The following FAM184B variants were observed in gnomAD, a reference collection of about 807,000 sequenced individuals.
The protein encoded by FAM184B is family with sequence similarity 184 member B.
In FAM184B, 111 loss-of-function variants were observed where a neutral mutation model predicts 135.9. The observed-to-expected ratio is 0.82, with a 90% CI of 0.70 to 0.96. The LOEUF is 0.96. Ranked by LOEUF, FAM184B falls within the 40% of genes least tolerant of loss-of-function variation. FAM184B has a pLI of 0.00. For missense variants in FAM184B, 1,375 were observed against 1,323.9 expected (o/e 1.04, Z -0.60); for synonymous variants, 552 against 524.8 (o/e 1.05, Z -0.71).
At chr4:17,693,090 C>T (rs1050101265) in intron 6 of FAM184B, among the ~76,000 whole-genome samples, 7 of 152,118 alleles carry the variant, frequency 4.6e-5, no homozygotes, top group Non-Finnish European at 7.4e-5. Flanking sequence ...CTCCTGTGTC[C>T]TTCTCTTATT....
chr4:17,705,841 T>G lies in FAM184B; in HGVS notation c.1081A>C (p.Asn361His). ...VSENKVLREE[N>H]DLEAGNLHPQ... The stretch of plus-strand genomic sequence containing the variant: ...TGAAGATTGCCGGCTTCCAAGTCAT[T>G]CTCTTCCCGCAGGACTTTGTTCTCT... Residue 361 changes from asparagine to histidine, a missense_variant, in exon 4 of 18, where the codon AAT becomes CAT. Transcript: ENST00000265018. 1 of 1,552,210 alleles carries G rather than the reference T, an allele frequency of 6.4e-7. No individual in the cohort carries two copies. Among genetic ancestry groups the G allele is most frequent in the Non-Finnish European group, 8.7e-7 (1 of 1,147,108 alleles).
chr4:17,674,205 A>G (rs1716259017), intron 7 of FAM184B, among the ~76,000 whole-genome samples: 1 of 152,136 alleles, frequency 6.6e-6, no homozygotes. Context: ...AGTATTAATA[A>G]TTACAAGCAT....
intron 1 of FAM184B, among the ~76,000 whole-genome samples, chr4:17,774,992 C>CTTTTTTTTTT (rs71167338): frequency 8.6e-5 from 7 of 81,748 alleles, no homozygotes; most frequent in South Asian, 4.7e-4. Flanking sequence ...TTTTCCTTTT[C>CTTTTTTTTTT]TTTTTTTTTT....
At chr4:17,691,057 G>C (rs1430818700) in intron 6 of FAM184B, among the ~76,000 whole-genome samples, 1 of 152,174 alleles carries the variant, frequency 6.6e-6, no homozygotes, top group East Asian at 1.9e-4. Flanking sequence ...GTCATGACTT[G>C]CAACTGAATG....
intron 7 of FAM184B, among the ~76,000 whole-genome samples, chr4:17,682,545 C>CTGGA (rs1329838658): frequency 6.6e-6 from 1 of 152,128 alleles, no homozygotes; most frequent in Non-Finnish European, 1.5e-5. Flanking sequence ...GTTCCCCAGG[C>CTGGA]TGGAGTACAG....
At chr4:17,777,713 T>C (rs1043096815) in intron 1 of FAM184B, among the ~76,000 whole-genome samples, 1 of 152,144 alleles carries the variant, frequency 6.6e-6, no homozygotes, top group Admixed American at 6.5e-5. Flanking sequence ...AGGATATAGA[T>C]AGTGAGGCTT....
Position 17,709,144 on chromosome 4 carries a change from G to T in FAM184B, c.642C>A (p.Tyr214Ter). 2.6e-6 allele frequency: 4 copies of T among 1,548,254 alleles called. No individual in the cohort carries two copies. The highest frequency in any genetic ancestry group is 3.5e-6 in the Non-Finnish European group (4 of 1,146,956). The change falls in exon 2 of 18, where the codon TAC (tyrosine) becomes TAA (stop). Residue 214 changes from tyrosine to a stop codon, truncating the protein, a stop_gained. Coordinates refer to ENST00000265018, the MANE Select transcript of FAM184B (RefSeq NM_015688.2). LOFTEE classifies it high-confidence loss of function. ...CCTGCAGCTCCTCGGCCTTGCGGGC[G>T]TAGTCCTTGCTCAGCTGCTGGTTCT... ...RVENQQLSKD[Y>*]ARKAEELQAT...
chr4:17,660,238 G>A (rs1715882998), intron 8 of FAM184B, among the ~76,000 whole-genome samples, 151 bp from the exon 9 acceptor site: 1 of 152,162 alleles, frequency 6.6e-6, no homozygotes, highest in Non-Finnish European at 1.5e-5. Context: ...CTTTCAAAAA[G>A]CAACCTGCCA....
At chr4:17,693,548 C>T in intron 5 of FAM184B, 136 bp from the exon 6 acceptor site, 2 of 675,510 alleles carry the variant, frequency 3.0e-6, no homozygotes, top group Non-Finnish European at 2.5e-6. Context: ...ATAAATTAGA[C>T]ATACACGAGA....
At chr4:17,780,733 G>A (rs1719016650) in intron 1 of FAM184B, among the ~76,000 whole-genome samples, 1 of 152,110 alleles carries the variant, frequency 6.6e-6, no homozygotes, top group African/African-American at 2.4e-5. Flanking sequence ...CTCAACAAAT[G>A]ACGCAAATAT....
At chr4:17,682,230 A>G (rs1716459042) in intron 7 of FAM184B, among the ~76,000 whole-genome samples, 1 of 152,100 alleles carries the variant, frequency 6.6e-6, no homozygotes, top group Non-Finnish European at 1.5e-5. Context: ...CCGGAAAAAA[A>G]TTTTCCCTCA....
rs1457235717 is a variant in FAM184B, at chr4:17,629,778, T to G, written c.*2754A>C. ...AATCATTATGCAAACTAAAATAGAA[T>G]GTTTTATCTATCAAATTGTATTTCT... is the stretch of plus-strand genomic sequence containing the variant. On this transcript the variant is annotated 3_prime_UTR_variant, in exon 18 of 18. Transcript: ENST00000265018. The G allele has an allele frequency of 1.3e-5, 2 of 152,220 alleles. No individual in the cohort carries two copies. Among genetic ancestry groups the G allele is most frequent in the Admixed American group, 6.5e-5 (1 of 15,284 alleles). The allele number at this position is 152,220 out of a possible 1,614,324, so 9.4% of individuals were successfully genotyped here.
intron 1 of FAM184B, among the ~76,000 whole-genome samples, chr4:17,742,207 T>G (rs1016006151): frequency 6.7e-6 from 1 of 148,868 alleles, no homozygotes; most frequent in Non-Finnish European, 1.5e-5. Context: ...GTGGTTCATG[T>G]CTGTAATCGC....
intron 5 of FAM184B, among the ~76,000 whole-genome samples, chr4:17,703,981 A>T (rs754879382): frequency 6.6e-6 from 1 of 152,020 alleles, no homozygotes. Flanking sequence ...CCGAGAGGTT[A>T]TATGACCTGT....
intron 1 of FAM184B, among the ~76,000 whole-genome samples, chr4:17,775,994 TA>T (rs1227539424): frequency 6.6e-6 from 1 of 152,188 alleles, no homozygotes; most frequent in Non-Finnish European, 1.5e-5. Context: ...TAAATCTATA[TA>T]AATTAAAAAT....
At chr4:17,718,821 G>A (rs1489253074) in intron 1 of FAM184B, among the ~76,000 whole-genome samples, 1 of 152,250 alleles carries the variant, frequency 6.6e-6, no homozygotes, top group Non-Finnish European at 1.5e-5. Context: ...CAGCTGAACA[G>A]CAGTGAAACT....
At position 17,691,599 on chromosome 4, in the gene FAM184B, T is replaced by C. The variant is rs144809297; in HGVS notation, c.1488+1703A>G. ...TAGTTGGGAGGCTGAGGCAGGAGAA[T>C]TGCTTGAACCCAGGAGGTGGAGGTT... On this transcript the variant is annotated intron_variant, in intron 6 of 17. Coordinates refer to ENST00000265018, the MANE Select transcript of FAM184B (RefSeq NM_015688.2). Among the ~76,000 whole-genome samples the C allele has an allele frequency of 3.8e-3, 569 of 150,554 alleles. 2 individuals carry two copies. Among genetic ancestry groups the C allele is most frequent in the African/African-American group, 0.013 (534 of 40,878 alleles).
chr4:17,697,373 G>A (rs1221746800), intron 5 of FAM184B, among the ~76,000 whole-genome samples: 1 of 151,648 alleles, frequency 6.6e-6, no homozygotes, highest in Non-Finnish European at 1.5e-5. Flanking sequence ...GAGGCCCTTA[G>A]CATTTTTCCT....
rs55751748 is a variant in FAM184B at position 17,634,915 on chromosome 4, C to T, written c.2889+94G>A. 14,281 of 759,308 alleles carry T rather than the reference C, an allele frequency of 0.019. 1,503 individuals are homozygous for T. The African/African-American group carries it at 0.23, about 12-fold the overall frequency. 47.0% of individuals were successfully genotyped at this position (759,308 alleles called of 1,614,324 possible). On this transcript the variant is annotated intron_variant, in intron 16 of 17. Transcript: ENST00000265018. The stretch of plus-strand genomic sequence containing the variant: ...TTTTTCCAATGAATATTTTTCTGAG[C>T]GTACACCAGCCCTTAAATAACCTGT...
Sources: gnomAD v4.1 joint callset for allele counts (sites outside exome capture counted in the v4.1 genomes callset) on GRCh38, gnomAD v4.1.1 for gene constraint, MANE v1.5 for transcripts, NCBI Gene and HGNC (gene_info 2026-07-23, HGNC 2026-07-21) for gene names.